CDH12: variants seen among roughly 807,000 people sequenced by gnomAD.
CDH12 encodes cadherin 12, also known as cadherin-12.
CDH12 carries 41 observed loss-of-function variants against 74.1 expected under a neutral mutation model. The ratio of observed to expected loss-of-function variants is 0.55; its 90% CI spans 0.43 to 0.72. The LOEUF (loss-of-function observed/expected upper bound fraction) is 0.72, where lower values mean the gene tolerates loss of function less well. CDH12 is among the 30% of genes least tolerant of loss of function. The probability of loss-of-function intolerance (pLI) is 0.00; values close to 1 mark genes in which losing one functional copy is unlikely to be tolerated. For missense variants in CDH12, 945 were observed against 977.2 expected, an observed-to-expected ratio of 0.97 and a Z score of 0.44; for synonymous variants, 399 against 355.0, an observed-to-expected ratio of 1.12 and a Z score of -1.39.
chr5:22,607,900 C>A (rs967732558), intron 1 of CDH12, among the ~76,000 whole-genome samples: 3 of 152,222 alleles, frequency 2.0e-5, no homozygotes, highest in African/African-American at 7.2e-5. Context: ...GGTTTGAAAA[C>A]CTTCACCTAG....
chr5:22,059,556 A>G (rs1741039916), intron 5 of CDH12, among the ~76,000 whole-genome samples: 1 of 152,184 alleles, frequency 6.6e-6, no homozygotes, highest in African/African-American at 2.4e-5. Flanking sequence ...TTATAAGTCT[A>G]CACAGCAGAG....
chr5:22,409,720 G>A (rs1743099731), intron 2 of CDH12, among the ~76,000 whole-genome samples: 1 of 152,046 alleles, frequency 6.6e-6, no homozygotes, highest in African/African-American at 2.4e-5. Flanking sequence ...TCAGTGGTGT[G>A]ATGAGATACT....
intron 2 of CDH12, among the ~76,000 whole-genome samples, chr5:22,427,050 CCT>C (rs1406864377): frequency 6.6e-6 from 1 of 152,118 alleles, no homozygotes; most frequent in Admixed American, 6.6e-5. Flanking sequence ...TTTTCTCTCC[CCT>C]GTGATAACTT....
chr5:22,717,481 C>T (rs977272308), intron 1 of CDH12, among the ~76,000 whole-genome samples: 3 of 152,080 alleles, frequency 2.0e-5, no homozygotes, highest in African/African-American at 7.2e-5. Flanking sequence ...TTCCTAAGGA[C>T]ACGTTTCTCA....
At chr5:21,936,682 T>C (rs1755086747) in intron 6 of CDH12, among the ~76,000 whole-genome samples, 1 of 152,212 alleles carries the variant, frequency 6.6e-6, no homozygotes. Flanking sequence ...GATTTGGCTC[T>C]GTGACCCCAC....
intron 4 of CDH12, among the ~76,000 whole-genome samples, chr5:22,188,764 C>A (rs550963393): frequency 3.3e-5 from 5 of 152,096 alleles, no homozygotes. Flanking sequence ...GATTGGCAAG[C>A]ATTTATTTAT....
Position 21,806,422 on chromosome 5 carries a change from A to G in CDH12, c.1003-4002T>C, listed in dbSNP as rs181258818. 2.6e-5 allele frequency among the ~76,000 whole-genome samples: 4 copies of G among 152,260 alleles called. No individual in the cohort carries two copies. The East Asian group carries it at 7.7e-4, about 29-fold the overall frequency. On this transcript the variant is annotated intron_variant, in intron 9 of 14. Coordinates refer to ENST00000382254, the MANE Select transcript of CDH12 (RefSeq NM_004061.5). ...TTTCTCTGAGGGAGGTTTCATTTAC[A>G]TAACAAGTGGCTTTGGTAGCCAAGC...
intron 1 of CDH12, among the ~76,000 whole-genome samples, chr5:22,513,477 C>T (rs1425724457): frequency 1.3e-5 from 2 of 152,158 alleles, no homozygotes; most frequent in African/African-American, 4.8e-5. Flanking sequence ...GAGCATCATA[C>T]TCACCAGCTT....
At chr5:21,826,027 C>T (rs183102870) in intron 8 of CDH12, among the ~76,000 whole-genome samples, 158 of 152,278 alleles carry the variant, frequency 1.0e-3, no homozygotes, top group Non-Finnish European at 1.6e-3. Context: ...ATTAAATTCC[C>T]TCCTGTTCTA....
At chr5:22,295,443 A>G (rs1022975809) in intron 3 of CDH12, among the ~76,000 whole-genome samples, 1 of 152,132 alleles carries the variant, frequency 6.6e-6, no homozygotes, top group Non-Finnish European at 1.5e-5. Flanking sequence ...CATTTTTTGG[A>G]AAAAAGCCTA....
intron 1 of CDH12, among the ~76,000 whole-genome samples, chr5:22,613,272 G>T (rs1561528641): frequency 6.6e-6 from 1 of 152,076 alleles, no homozygotes; most frequent in Non-Finnish European, 1.5e-5. Context: ...GTTCTGAACA[G>T]AATTATCAGA....
Position 22,438,467 on chromosome 5 carries a change from G to C in CDH12, c.-427-33116C>G, listed in dbSNP as rs894802901. The stretch of plus-strand genomic sequence containing the variant: ...TATAGAACCAGTGAATAAGTTTCAA[G>C]TTTAAACAAGAGTTCAAATCTAAAA... On this transcript the variant is annotated intron_variant, in intron 2 of 14. Transcript: ENST00000382254. Among the ~76,000 whole-genome samples the C allele has an allele frequency of 7.2e-5, 11 of 152,020 alleles. No homozygotes were observed. The South Asian group carries it at 2.3e-3, about 31-fold the overall frequency.
At chr5:22,724,913 AAC>A in intron 1 of CDH12, among the ~76,000 whole-genome samples, 1 of 151,958 alleles carries the variant, frequency 6.6e-6, no homozygotes, top group Non-Finnish European at 1.5e-5. Flanking sequence ...TAGTTTCCAA[AAC>A]AGTTTTACCA....
At chr5:21,959,786 C>T (rs1346707489) in intron 6 of CDH12, among the ~76,000 whole-genome samples, 1 of 146,200 alleles carries the variant, frequency 6.8e-6, no homozygotes, top group Non-Finnish European at 1.5e-5. Context: ...ATTAGCTGGG[C>T]TTGGTGGTGT....
intron 4 of CDH12, among the ~76,000 whole-genome samples, chr5:22,164,250 GGC>G (rs1748536656): frequency 6.6e-6 from 1 of 152,118 alleles, no homozygotes; most frequent in Non-Finnish European, 1.5e-5. Flanking sequence ...TGGAATCTTG[GGC>G]CATGCAGTGA....
intron 4 of CDH12, among the ~76,000 whole-genome samples, chr5:22,116,212 G>T (rs903989412): frequency 7.2e-5 from 11 of 152,028 alleles, no homozygotes; most frequent in African/African-American, 2.7e-4. Context: ...ATTTGGCAAC[G>T]GGAAAAGTTA....
intron 1 of CDH12, among the ~76,000 whole-genome samples, chr5:22,718,261 G>A (rs928545847): frequency 6.6e-6 from 1 of 152,048 alleles, no homozygotes; most frequent in Non-Finnish European, 1.5e-5. Context: ...GCAAACACTG[G>A]GTTGAAAAAT....
intron 3 of CDH12, among the ~76,000 whole-genome samples, chr5:22,391,850 G>A (rs1443059177): frequency 6.6e-6 from 1 of 151,980 alleles, no homozygotes; most frequent in African/African-American, 2.4e-5. Context: ...CTTTAAAACT[G>A]AGAACAAAAT....
intron 3 of CDH12, among the ~76,000 whole-genome samples, chr5:22,386,994 G>C (rs1481689596): frequency 1.3e-5 from 2 of 151,996 alleles, no homozygotes; most frequent in South Asian, 2.1e-4. Context: ...TGACAAACCT[G>C]AGTCAATACG....
Sources: allele counts gnomAD v4.1 joint callset (sites outside exome capture counted in the v4.1 genomes callset), GRCh38; gene constraint gnomAD v4.1.1; transcripts MANE v1.5; gene names NCBI Gene and HGNC (gene_info 2026-07-23, HGNC 2026-07-21).